The following HIRA variants were observed in gnomAD, a reference collection of about 807,000 sequenced individuals.
HIRA encodes the protein histone cell cycle regulator, also known as protein HIRA.
Under a neutral mutation model 126.6 loss-of-function variants are expected in HIRA, and 13 were observed. The observed-to-expected ratio is 0.10, with a 90% CI of 0.07 to 0.16. The LOEUF (loss-of-function observed/expected upper bound fraction) is 0.16. Ranked by LOEUF, HIRA falls within the 10% of genes least tolerant of loss-of-function variation. HIRA has a pLI of 1.00. For missense variants in HIRA, 834 were observed against 1,314.4 expected (o/e 0.63, Z 5.65); for synonymous variants, 511 against 520.0 (o/e 0.98, Z 0.24).
At chr22:19,357,563 G>C (rs1224228772) in intron 18 of HIRA, among the ~76,000 whole-genome samples, 5 of 152,236 alleles carry the variant, frequency 3.3e-5, no homozygotes, top group African/African-American at 7.2e-5. Context: ...GTGCGTTACA[G>C]AACAGTCTGG....
chr22:19,370,880 T>C (rs975809632), intron 15 of HIRA, among the ~76,000 whole-genome samples: 3 of 152,212 alleles, frequency 2.0e-5, no homozygotes, highest in Admixed American at 1.3e-4. Flanking sequence ...GCTGTATTTA[T>C]GGCTGGACGG....
intron 8 of HIRA, among the ~76,000 whole-genome samples, chr22:19,393,388 C>T (rs911800295): frequency 3.3e-5 from 5 of 151,986 alleles, no homozygotes; most frequent in African/African-American, 7.3e-5. Context: ...GACGGAGTCT[C>T]GCTCTGTCGC....
Position 19,410,790 on chromosome 22 carries a change from GAAA to G in HIRA, c.38-15_38-13del. On this transcript the variant is annotated splice_polypyrimidine_tract_variant and intron_variant, in intron 1 of 24. Coordinates refer to ENST00000263208, the MANE Select transcript of HIRA (RefSeq NM_003325.4). ...AAAAATCGGCTTGCCTGGAAACAAAGAAAAAAAAATACAGTATCTAAATTGGCT... is the reference window on the plus strand; with the variant it reads ...AAAAATCGGCTTGCCTGGAAACAAAGAAAAAATACAGTATCTAAATTGGCT... 1 of 1,572,098 alleles carries G rather than the reference GAAA, an allele frequency of 6.4e-7. No individual in the cohort carries two copies. Among genetic ancestry groups the G allele is most frequent in the African/African-American group, 1.4e-5 (1 of 73,034 alleles).
intron 24 of HIRA, among the ~76,000 whole-genome samples, chr22:19,336,044 T>C (rs2088564370): frequency 6.6e-6 from 1 of 152,234 alleles, no homozygotes; most frequent in Admixed American, 6.5e-5. Flanking sequence ...GTTAGATTTA[T>C]TCTTAGATAC....
chr22:19,387,897 G>C, intron 10 of HIRA, 81 bp from the exon 11 acceptor site: 2 of 886,162 alleles, frequency 2.3e-6, no homozygotes, highest in Non-Finnish European at 3.5e-6. Context: ...CTGTGAGGAT[G>C]GTGGGCAGTG....
In HIRA at chr22:19,331,256, A is replaced by C; in HGVS notation, c.*184T>G. ...GGATGAGCTTCCCCCTCCTGAGGCA[A>C]TGTCAGACCCAGGACACAGGGCACA... On this transcript the variant is annotated 3_prime_UTR_variant, in exon 25 of 25. Transcript: ENST00000263208. 2 of 1,516,940 alleles carry C rather than the reference A, an allele frequency of 1.3e-6. No individual in the cohort carries two copies. Among genetic ancestry groups the C allele is most frequent in the Admixed American group, 2.0e-5 (1 of 50,626 alleles). The allele number at this position is 1,516,940 out of a possible 1,614,324, so 94.0% of individuals were successfully genotyped here. A position where few individuals can be genotyped will look rare whatever the true frequency, so the allele number is the denominator to read the frequency against.
intron 3 of HIRA, among the ~76,000 whole-genome samples, chr22:19,407,974 A>G (rs1471167082): frequency 6.6e-6 from 1 of 152,192 alleles, no homozygotes; most frequent in Non-Finnish European, 1.5e-5. Context: ...GCATGTTGAG[A>G]GGACAAGAAC....
chr22:19,361,470 G>A (rs2088863366), intron 16 of HIRA, 129 bp from the exon 17 acceptor site: 2 of 812,962 alleles, frequency 2.5e-6, no homozygotes, highest in African/African-American at 1.7e-5. Flanking sequence ...GGAGGAAGCA[G>A]AGGGGAATGC....
At chr22:19,359,617 G>A (rs1012670280) in intron 17 of HIRA, 133 bp from the exon 18 acceptor site, 1 of 1,038,800 alleles carries the variant, frequency 9.6e-7, no homozygotes. Context: ...AGAGAGGAGA[G>A]GGAGGGCAGG....
At chr22:19,336,075 CA>C (rs2088564659) in intron 24 of HIRA, among the ~76,000 whole-genome samples, 1 of 152,000 alleles carries the variant, frequency 6.6e-6, no homozygotes, top group East Asian at 1.9e-4. Flanking sequence ...TCAAAAGAGA[CA>C]ATCTTGAAAG....
chr22:19,361,022 A>T (rs1252690801), intron 17 of HIRA, among the ~76,000 whole-genome samples: 1 of 152,244 alleles, frequency 6.6e-6, no homozygotes, highest in Admixed American at 6.5e-5. Flanking sequence ...CCAAGGGCAA[A>T]GCCAGACAGA....
chr22:19,375,598 CT>C, intron 15 of HIRA, 32 bp downstream of exon 15: 1 of 1,610,824 alleles, frequency 6.2e-7, no homozygotes, highest in Non-Finnish European at 8.5e-7. Flanking sequence ...TGCACCCTGC[CT>C]GGTCCTTCAG....
intron 13 of HIRA, 104 bp downstream of exon 13, chr22:19,383,516 G>T: frequency 2.2e-6 from 2 of 917,944 alleles, no homozygotes; most frequent in Non-Finnish European, 3.5e-6. Flanking sequence ...TACCAGTCAG[G>T]TTGTGAAGGA....
Position 19,361,766 on chromosome 22 carries a change from C to T in HIRA, c.1941G>A (p.Arg647=). The T allele has an allele frequency of 6.2e-7, 1 of 1,613,098 alleles. No homozygotes were observed. The highest frequency in any genetic ancestry group is 2.2e-5 in the East Asian group (1 of 44,886). ...ACACAGGCATGAGACGAGAGTCCTT[C>T]CGAGGCCGCCCTTTCTTCTTCTTCT... ...TVEKKKKGRP[R]KDSRLMPVSL... The change falls in exon 16 of 25, where the codon CGG becomes CGA. Residue 647 remains arginine (R), a synonymous_variant. Transcript: ENST00000263208.
At chr22:19,397,914 A>C in intron 6 of HIRA, 78 bp downstream of exon 6, 2 of 997,024 alleles carry the variant, frequency 2.0e-6, no homozygotes, top group Non-Finnish European at 3.1e-6. Flanking sequence ...ACCAAGACTA[A>C]GGAGACAGCC....
chr22:19,380,722 G>GCCT (rs1310064927), intron 13 of HIRA, among the ~76,000 whole-genome samples: 12 of 152,126 alleles, frequency 7.9e-5, no homozygotes, highest in Admixed American at 7.9e-4. Flanking sequence ...TCCTGCCTCA[G>GCCT]CCTCCAAGTA....
At chr22:19,341,952 G>A (rs1319061163) in intron 24 of HIRA, among the ~76,000 whole-genome samples, 1 of 152,186 alleles carries the variant, frequency 6.6e-6, no homozygotes, top group African/African-American at 2.4e-5. Flanking sequence ...TAAAGAGATG[G>A]CACCTAATTA....
chr22:19,332,526 A>G (rs1459850099), intron 24 of HIRA, among the ~76,000 whole-genome samples: 2 of 152,206 alleles, frequency 1.3e-5, no homozygotes, highest in African/African-American at 2.4e-5. Context: ...AACTCCTAAA[A>G]TAGATCATGT....
chr22:19,420,471 A>AAACC (rs1556028345), intron 1 of HIRA, among the ~76,000 whole-genome samples: 3 of 141,512 alleles, frequency 2.1e-5, no homozygotes, highest in Non-Finnish European at 4.6e-5. Context: ...TCAAAAAAAA[A>AAACC]AAAAAAAAAA....
Sources: allele counts gnomAD v4.1 joint callset (sites outside exome capture counted in the v4.1 genomes callset), GRCh38; gene constraint gnomAD v4.1.1; transcripts MANE v1.5; gene names NCBI Gene and HGNC (gene_info 2026-07-23, HGNC 2026-07-21).